TMEM242: variants seen among roughly 807,000 people sequenced by gnomAD.
TMEM242 encodes UPF0463 transmembrane protein C6orf35.
TMEM242 carries 10 observed loss-of-function variants against 18.2 expected under a neutral mutation model. The ratio of observed to expected loss-of-function variants is 0.55; its 90% CI spans 0.34 to 0.93. The LOEUF (loss-of-function observed/expected upper bound fraction) is 0.93. TMEM242 is among the 40% of genes least tolerant of loss of function. TMEM242 has a pLI of 0.02. For missense variants in TMEM242, 186 were observed against 175.5 expected, an observed-to-expected ratio of 1.06 and a Z score of -0.34; for synonymous variants, 57 against 69.9, an observed-to-expected ratio of 0.81 and a Z score of 0.92.
At chr6:157,312,448 C>CA (rs1554249265) in intron 3 of TMEM242, among the ~76,000 whole-genome samples, 1 of 33,778 alleles carries the variant, frequency 3.0e-5, no homozygotes, top group African/African-American at 8.6e-5. Flanking sequence ...CTCACCGAGC[C>CA]TCATAGTGCC....
chr6:157,298,408 C>T (rs1777779984), intron 3 of TMEM242, among the ~76,000 whole-genome samples: 1 of 152,214 alleles, frequency 6.6e-6, no homozygotes, highest in Non-Finnish European at 1.5e-5. Flanking sequence ...CTGCGTTAAA[C>T]ATTTTATAAC....
At chr6:157,311,626 T>TAATC (rs1778107736) in intron 3 of TMEM242, among the ~76,000 whole-genome samples, 1 of 147,452 alleles carries the variant, frequency 6.8e-6, no homozygotes, top group Admixed American at 6.8e-5. Flanking sequence ...CAGTGTGCGC[T>TAATC]CACCTGGCCT....
chr6:157,321,493 C>A (rs1554250740), intron 2 of TMEM242, among the ~76,000 whole-genome samples: 1 of 152,060 alleles, frequency 6.6e-6, no homozygotes, highest in East Asian at 1.9e-4. Flanking sequence ...TGCCTTAGAC[C>A]AAGGTATCAG....
intron 2 of TMEM242, among the ~76,000 whole-genome samples, chr6:157,321,980 T>C (rs977665885): frequency 7.9e-5 from 12 of 152,216 alleles, no homozygotes; most frequent in Non-Finnish European, 1.5e-4. Flanking sequence ...TTAAACATGG[T>C]CTCTTGCCAT....
chr6:157,310,759 GC>G (rs1554248433), intron 3 of TMEM242, among the ~76,000 whole-genome samples: 2 of 118,780 alleles, frequency 1.7e-5, no homozygotes, highest in East Asian at 3.1e-4. Context: ...CACTCACCCG[GC>G]CTCATCATAG....
intron 3 of TMEM242, among the ~76,000 whole-genome samples, chr6:157,309,582 G>T (rs587694791): frequency 6.6e-6 from 1 of 152,052 alleles, no homozygotes; most frequent in Non-Finnish European, 1.5e-5. Flanking sequence ...GTAAAAACAA[G>T]GTCTCGCTAT....
intron 3 of TMEM242, among the ~76,000 whole-genome samples, chr6:157,311,375 T>TCCCAG (rs1778080885): frequency 8.8e-5 from 1 of 11,344 alleles, no homozygotes; most frequent in Admixed American, 9.5e-4. Flanking sequence ...CATCATAGTG[T>TCCCAG]TCCAGTGTGC....
At chr6:157,312,778 A>C (rs1778218071) in intron 3 of TMEM242, among the ~76,000 whole-genome samples, 1 of 141,352 alleles carries the variant, frequency 7.1e-6, no homozygotes, top group South Asian at 2.3e-4. Flanking sequence ...GTGTGCGCTC[A>C]CCTAGCTTCA....
At chr6:157,318,761 G>C (rs1778447240) in intron 3 of TMEM242, 21 bp downstream of exon 3, 1 of 1,613,560 alleles carries the variant, frequency 6.2e-7, no homozygotes, top group East Asian at 2.2e-5. Flanking sequence ...AGATACCAGG[G>C]ACAAGACAGT....
At chr6:157,308,022 A>G (rs1777939463) in intron 3 of TMEM242, among the ~76,000 whole-genome samples, 2 of 152,218 alleles carry the variant, frequency 1.3e-5, no homozygotes, top group Admixed American at 6.5e-5. Flanking sequence ...ATCCCTCAGA[A>G]GTGGCTGCCA....
chr6:157,311,327 GCCTCAT>G (rs1778075273), intron 3 of TMEM242, among the ~76,000 whole-genome samples: 1 of 54,188 alleles, frequency 1.8e-5, no homozygotes, highest in Non-Finnish European at 4.3e-5. Flanking sequence ...TGTTCACCTA[GCCTCAT>G]CATAGTGTCC....
chr6:157,311,046 G>A (rs74658741), intron 3 of TMEM242, among the ~76,000 whole-genome samples: 13,712 of 76,752 alleles, frequency 0.18, 286 homozygotes, highest in Middle Eastern at 0.23. Context: ...CCCAGTGTGC[G>A]CTCACCTAAC....
rs1778192987 is a variant in TMEM242 at position 157,312,506 on chromosome 6, ACCGAGCCTCATCATACCGCCCCAGTGTGC to A, written c.327+6247_327+6275del. Among the ~76,000 whole-genome samples, 16 of 149,636 alleles carry A rather than the reference ACCGAGCCTCATCATACCGCCCCAGTGTGC, an allele frequency of 1.1e-4. 1 individual carries two copies. Among genetic ancestry groups the A allele is most frequent in the Admixed American group, 2.0e-4 (3 of 15,082 alleles). ...CATCATAGTGTCCCAGTGTGCACTC[ACCGAGCCTCATCATACCGCCCCAGTGTGC>A]ACTCAGCTAGCCTCATCATAGTGCC... On this transcript the variant is annotated intron_variant, in intron 3 of 3. Coordinates refer to ENST00000400788, the MANE Select transcript of TMEM242 (RefSeq NM_018452.6).
At chr6:157,309,673 G>A (rs1164600508) in intron 3 of TMEM242, among the ~76,000 whole-genome samples, 1 of 152,160 alleles carries the variant, frequency 6.6e-6, no homozygotes, top group African/African-American at 2.4e-5. Context: ...TTGCAGGCAT[G>A]AGCCACCGCC....
chr6:157,289,506 CT>C lies in TMEM242; in HGVS notation c.*3394del, dbSNP rs1286981685. The C allele has an allele frequency of 5.3e-5, 8 of 152,012 alleles. No individual in the cohort carries two copies. The highest frequency in any genetic ancestry group is 1.9e-4 in the African/African-American group (8 of 41,378). 9.4% of individuals were successfully genotyped at this position (152,012 alleles called of 1,614,324 possible). A position where few individuals can be genotyped will look rare whatever the true frequency, so the allele number is the denominator to read the frequency against. On this transcript the variant is annotated 3_prime_UTR_variant, in exon 4 of 4. Coordinates refer to ENST00000400788, the MANE Select transcript of TMEM242 (RefSeq NM_018452.6). Reference sequence around the variant, plus strand: ...GAAATTTAACTATTTGATGAAATGCCTTTGTATGTTACCTGATTTTCATTTG... The same window carrying C: ...GAAATTTAACTATTTGATGAAATGCCTTGTATGTTACCTGATTTTCATTTG...
intron 3 of TMEM242, among the ~76,000 whole-genome samples, chr6:157,313,958 T>C (rs1554249999): frequency 6.7e-6 from 1 of 149,224 alleles, no homozygotes; most frequent in Non-Finnish European, 1.5e-5. Flanking sequence ...AGTGTCCCAG[T>C]GTCCGCTCAC....
intron 3 of TMEM242, among the ~76,000 whole-genome samples, chr6:157,317,135 A>G (rs1778405978): frequency 6.6e-6 from 1 of 152,210 alleles, no homozygotes; most frequent in Non-Finnish European, 1.5e-5. Context: ...TATAACAAGT[A>G]AAAACTTATC....
At position 157,305,009 on chromosome 6, in the gene TMEM242, G is replaced by C. The variant is rs1261937921; in HGVS notation, c.328-12010C>G. On this transcript the variant is annotated intron_variant, in intron 3 of 3. Coordinates refer to ENST00000400788, the MANE Select transcript of TMEM242 (RefSeq NM_018452.6). This position sits in a 1 kb window ranked among gnomAD's most constrained non-coding sequence, Gnocchi z 4.1. ...TGGTGGCTCAAGATGAGGTCAGTGAGGTTGGTGGGGCTACATCATGTAAAC... is the reference window on the plus strand; with the variant it reads ...TGGTGGCTCAAGATGAGGTCAGTGACGTTGGTGGGGCTACATCATGTAAAC... 6.6e-6 allele frequency among the ~76,000 whole-genome samples: 1 copy of C among 152,186 alleles called. No individual in the cohort carries two copies. The highest frequency in any genetic ancestry group is 2.4e-5 in the African/African-American group (1 of 41,444).
chr6:157,292,035 C>G lies in TMEM242; in HGVS notation c.*866G>C, dbSNP rs1777690215. The stretch of plus-strand genomic sequence containing the variant: ...GGCGTGCACACAGAATTTACCCTAA[C>G]AGCTTTGTTAGGGAGGTGGTCCCAA... On this transcript the variant is annotated 3_prime_UTR_variant, in exon 4 of 4. Transcript: ENST00000400788. The G allele has an allele frequency of 6.6e-6, 1 of 152,168 alleles. No homozygotes were observed. Among genetic ancestry groups the G allele is most frequent in the Non-Finnish European group, 1.5e-5 (1 of 68,026 alleles). 9.4% of individuals were successfully genotyped at this position (152,168 alleles called of 1,614,324 possible).
Sources: allele counts gnomAD v4.1 joint callset (sites outside exome capture counted in the v4.1 genomes callset), GRCh38; gene constraint gnomAD v4.1.1; non-coding constraint Gnocchi (gnomAD v3.1); transcripts MANE v1.5; gene names NCBI Gene and HGNC (gene_info 2026-07-23, HGNC 2026-07-21).